EARS2: variants seen among roughly 807,000 people sequenced by gnomAD.
The protein encoded by EARS2 is nondiscriminating glutamyl-tRNA synthetase EARS2, mitochondrial.
A neutral mutation model predicts 54.1 loss-of-function variants in EARS2; 50 were observed. That is an observed-to-expected ratio of 0.92 (90% CI 0.74 to 1.17). EARS2 has a LOEUF of 1.17. EARS2 is among the 50% of genes most tolerant of loss of function. EARS2 has a pLI of 0.00. For synonymous variants in EARS2, 298 were observed against 281.0 expected (o/e 1.06, Z -0.61); for missense variants, 673 against 675.0 (o/e 1.00, Z 0.03).
intron 1 of EARS2, chr16:23,556,805 C>T (rs761743599): frequency 3.5e-5 from 16 of 456,590 alleles, no homozygotes; most frequent in Non-Finnish European, 6.0e-5. Context: ...CCGCATGGCA[C>T]ATGTGACTCT....
chr16:23,544,777 G>A, intron 2 of EARS2, 74 bp from the exon 3 acceptor site: 1 of 1,306,332 alleles, frequency 7.7e-7, no homozygotes, highest in South Asian at 1.4e-5. Context: ...AGCACTTTAT[G>A]CACATATTAA....
rs374785094 is a variant in EARS2, at chr16:23,529,567, T to A, written c.1287A>T (p.Ala429=). The A allele has an allele frequency of 4.8e-5, 77 of 1,614,042 alleles. No individual in the cohort carries two copies. The highest frequency in any genetic ancestry group is 6.4e-5 in the Non-Finnish European group (76 of 1,180,032). ...PVYSYLWTRP[A]VGRAQLDAIS... ...TGGCGTCCAGCTGTGCTCGACCTAC[T>A]GCAGGGCGAGTCCACAGGTAAGAGT... Residue 429 remains alanine (A), a synonymous_variant, in exon 7 of 9, where the codon GCA becomes GCT. Coordinates refer to ENST00000449606, the MANE Select transcript of EARS2 (RefSeq NM_001083614.2).
chr16:23,540,889 G>A (rs540211033), intron 3 of EARS2, among the ~76,000 whole-genome samples: 12 of 152,292 alleles, frequency 7.9e-5, no homozygotes, highest in Non-Finnish European at 1.6e-4. Context: ...TCCTCAGGAG[G>A]CTGAGACAGG....
chr16:23,555,039 A>C (rs2142199241), intron 1 of EARS2, among the ~76,000 whole-genome samples: 1 of 152,346 alleles, frequency 6.6e-6, no homozygotes, highest in South Asian at 2.1e-4. Context: ...GAGAAGTACA[A>C]TCATCATAAT....
chr16:23,542,696 A>G (rs1965536014), intron 3 of EARS2, among the ~76,000 whole-genome samples: 1 of 152,176 alleles, frequency 6.6e-6, no homozygotes, highest in Non-Finnish European at 1.5e-5. Context: ...GGCTTCTAAC[A>G]TAGCCCCAGT....
chr16:23,532,759 T>C lies in EARS2; in HGVS notation c.965A>G (p.Gln322Arg). ...CAGCTCCGGCAGGGTCCTGCCCATTTGGTTCTCTGCAAAGAAGAGAGGCCC... is the reference window on the plus strand; with the variant it reads ...CAGCTCCGGCAGGGTCCTGCCCATTCGGTTCTCTGCAAAGAAGAGAGGCCC... ...TNCGSGFAEN[Q>R]MGRTLPELIT... The change falls in exon 5 of 9, where the codon CAA (glutamine) becomes CGA (arginine). Residue 322 changes from glutamine to arginine, a missense_variant. Transcript: ENST00000449606. 1 of 1,612,936 alleles carries C rather than the reference T, an allele frequency of 6.2e-7. No individual in the cohort carries two copies. Among genetic ancestry groups the C allele is most frequent in the Non-Finnish European group, 8.5e-7 (1 of 1,179,156 alleles).
chr16:23,531,988 T>G (rs1415109441), intron 5 of EARS2, among the ~76,000 whole-genome samples: 1 of 152,162 alleles, frequency 6.6e-6, no homozygotes, highest in Non-Finnish European at 1.5e-5. Flanking sequence ...AATTTTTGTA[T>G]TTTTAGTAGA....
chr16:23,528,045 G>A (rs1017186351), intron 7 of EARS2, among the ~76,000 whole-genome samples: 20 of 152,056 alleles, frequency 1.3e-4, no homozygotes, highest in African/African-American at 4.6e-4. Context: ...AGAGTCCCTC[G>A]TCCCTCCACC....
chr16:23,521,903 T>A lies in EARS2; in HGVS notation c.*2468A>T. 5 of 448,366 alleles carry A rather than the reference T, an allele frequency of 1.1e-5. No individual in the cohort carries two copies. The highest frequency in any genetic ancestry group is 7.8e-5 in the South Asian group (5 of 64,256). 27.8% of individuals were successfully genotyped at this position (448,366 alleles called of 1,614,324 possible). On this transcript the variant is annotated 3_prime_UTR_variant, in exon 9 of 9. Coordinates refer to ENST00000449606, the MANE Select transcript of EARS2 (RefSeq NM_001083614.2). Reference sequence around the variant, plus strand: ...AGCTTGGACTCTGGATCGGCACAGATCTGAGTTTAAATCTTGGTTTTGCCT... The same window carrying A: ...AGCTTGGACTCTGGATCGGCACAGAACTGAGTTTAAATCTTGGTTTTGCCT...
intron 2 of EARS2, among the ~76,000 whole-genome samples, chr16:23,545,638 A>G (rs1965591060): frequency 6.6e-6 from 1 of 151,860 alleles, no homozygotes; most frequent in Non-Finnish European, 1.5e-5. Context: ...ATTCTTAACC[A>G]CTCATTACAC....
chr16:23,547,225 G>T (rs1965618164), intron 2 of EARS2, among the ~76,000 whole-genome samples: 1 of 152,142 alleles, frequency 6.6e-6, no homozygotes, highest in Non-Finnish European at 1.5e-5. Context: ...TGCGCTTATG[G>T]TAAGTGAAGG....
chr16:23,533,148 G>A (rs532458325), intron 4 of EARS2, among the ~76,000 whole-genome samples: 10 of 152,326 alleles, frequency 6.6e-5, no homozygotes, highest in Admixed American at 6.5e-4. Context: ...GCCAGGTGTG[G>A]TGGCGCATGC....
chr16:23,540,046 T>C (rs1965487339), intron 3 of EARS2, among the ~76,000 whole-genome samples: 2 of 152,088 alleles, frequency 1.3e-5, no homozygotes, highest in African/African-American at 4.8e-5. Flanking sequence ...TCCAGCTGTT[T>C]GGGAGGCTGA....
rs1322038414 is a variant in EARS2 at position 23,521,776 on chromosome 16, T to C, written c.*2595A>G. On this transcript the variant is annotated 3_prime_UTR_variant, in exon 9 of 9. Coordinates refer to ENST00000449606, the MANE Select transcript of EARS2 (RefSeq NM_001083614.2). ...CGACTTAGTATTTTGACCACTCACT[T>C]TGTTAAAAACACTCACTTGACCATG... 2 of 455,962 alleles carry C rather than the reference T, an allele frequency of 4.4e-6. No individual in the cohort carries two copies. Among genetic ancestry groups the C allele is most frequent in the Non-Finnish European group, 8.8e-6 (2 of 226,820 alleles). 28.2% of individuals were successfully genotyped at this position (455,962 alleles called of 1,614,324 possible).
intron 2 of EARS2, among the ~76,000 whole-genome samples, chr16:23,548,139 C>T (rs1456219702): frequency 1.3e-5 from 2 of 151,514 alleles, no homozygotes; most frequent in African/African-American, 2.4e-5. Context: ...GAGGCTGAGG[C>T]GGGAGAATGG....
intron 3 of EARS2, among the ~76,000 whole-genome samples, chr16:23,543,962 T>TA (rs1965558544): frequency 6.6e-6 from 1 of 152,122 alleles, no homozygotes; most frequent in Non-Finnish European, 1.5e-5. Context: ...TAGACTTGGG[T>TA]CCCACCCCCA....
chr16:23,531,512 C>T (rs1310868684), intron 5 of EARS2, among the ~76,000 whole-genome samples: 3 of 152,078 alleles, frequency 2.0e-5, no homozygotes, highest in Non-Finnish European at 2.9e-5. Context: ...CTGCCTGCCT[C>T]GGCCTCCTAA....
intron 7 of EARS2, among the ~76,000 whole-genome samples, chr16:23,527,676 T>C (rs960370190): frequency 1.3e-5 from 2 of 151,272 alleles, no homozygotes; most frequent in Non-Finnish European, 2.9e-5. Context: ...GCCTCAGCCT[T>C]CCGAGTAGCT....
Position 23,535,295 on chromosome 16 carries a change from T to C in EARS2, c.551A>G (p.Lys184Arg). The change falls in exon 4 of 9, where the codon AAG becomes AGG. Residue 184 changes from lysine to arginine, a missense_variant. Lys to Arg is a conservative substitution (Grantham distance 26). Around this residue, in one of 3 missense-constraint regions of EARS2, gnomAD observed 316 missense variants for 275.2 expected, o/e 1.15. Transcript: ENST00000449606. ...CTCCAGGCGGAAGCGGATCGCAGGC[T>C]TGGGGTCCTTGGCCAGCTTCTGGGC... is the stretch of plus-strand genomic sequence containing the variant. ...QVAQKLAKDP[K>R]PAIRFRLEQV... is the part of the protein sequence containing the mutation. 1 of 1,604,880 alleles carries C rather than the reference T, an allele frequency of 6.2e-7. No homozygotes were observed. The highest frequency in any genetic ancestry group is 1.3e-5 in the African/African-American group (1 of 74,986).
Sources: allele counts gnomAD v4.1 joint callset (sites outside exome capture counted in the v4.1 genomes callset), GRCh38; gene constraint gnomAD v4.1.1; regional missense constraint gnomAD v4.1.1; transcripts MANE v1.5; gene names NCBI Gene and HGNC (gene_info 2026-07-23, HGNC 2026-07-21).